Variants in ZNF33A observed in about 807,000 individuals in gnomAD.
ZNF33A encodes the protein brain my041 protein.
In ZNF33A, 9 loss-of-function variants were observed where a neutral mutation model predicts 15.9. The ratio of observed to expected loss-of-function variants is 0.57; its 90% CI spans 0.34 to 0.99. The LOEUF (loss-of-function observed/expected upper bound fraction) is 0.99, where lower values mean the gene tolerates loss of function less well. Ranked by LOEUF, ZNF33A falls within the 50% of genes least tolerant of loss-of-function variation. ZNF33A has a pLI of 0.02. For synonymous variants in ZNF33A, 294 were observed against 324.2 expected (o/e 0.91, Z 1.00); for missense variants, 843 against 941.6 (o/e 0.90, Z 1.37).
In ZNF33A at chr10:38,054,575, A is replaced by G. The variant is rs1322186249; in HGVS notation, c.451A>G (p.Thr151Ala). ...QCDSCGMSFN[T>A]VSELVISKIN... The stretch of plus-strand genomic sequence containing the variant: ...TGATTCATGTGGAATGAGTTTCAAC[A>G]CTGTTTCAGAATTGGTTATCAGTAA... Residue 151 changes from threonine to alanine, a missense_variant, in exon 5 of 5, where the codon ACT becomes GCT. Thr to Ala is a moderately conservative substitution (Grantham distance 58). Transcript: ENST00000432900. 5 of 1,611,402 alleles carry G rather than the reference A, an allele frequency of 3.1e-6. No homozygotes were observed. Among genetic ancestry groups the G allele is most frequent in the Non-Finnish European group, 3.4e-6 (4 of 1,179,126 alleles).
intron 4 of ZNF33A, among the ~76,000 whole-genome samples, chr10:38,021,788 A>G (rs930938156): frequency 7.2e-5 from 11 of 152,188 alleles, no homozygotes; most frequent in African/African-American, 2.7e-4. Flanking sequence ...CTGAGTATGT[A>G]TGTTTTCTGG....
At position 38,057,667 on chromosome 10, in the gene ZNF33A, T is replaced by A; in HGVS notation, c.*1107T>A. The stretch of plus-strand genomic sequence containing the variant: ...AAAATCTATCCTGTACATGTGAAGA[T>A]CTAGGCTCGCCTCCATGTTACTCCC... On this transcript the variant is annotated 3_prime_UTR_variant, in exon 5 of 5. Coordinates refer to ENST00000432900, the MANE Select transcript of ZNF33A (RefSeq NM_006954.2). 2.0e-6 allele frequency: 2 copies of A among 985,484 alleles called. No individual in the cohort carries two copies. The highest frequency in any genetic ancestry group is 3.5e-5 in the African/African-American group (2 of 57,382). The allele number at this position is 985,484 out of a possible 1,614,324, so 61.0% of individuals were successfully genotyped here.
At chr10:38,024,108 C>T (rs551497236) in intron 4 of ZNF33A, among the ~76,000 whole-genome samples, 63 of 144,944 alleles carry the variant, frequency 4.3e-4, no homozygotes, top group African/African-American at 1.5e-3. Context: ...GCCGAGATCA[C>T]GCCATTGCAT....
At chr10:38,042,889 A>G (rs1564861381) in intron 4 of ZNF33A, among the ~76,000 whole-genome samples, 1 of 152,158 alleles carries the variant, frequency 6.6e-6, no homozygotes, top group South Asian at 2.1e-4. Context: ...TTTATATGTT[A>G]TAGGTCCAAC....
At chr10:38,015,687 T>C (rs1232491777) in intron 2 of ZNF33A, among the ~76,000 whole-genome samples, 1 of 152,182 alleles carries the variant, frequency 6.6e-6, no homozygotes, top group East Asian at 1.9e-4. Context: ...TATATAGCCC[T>C]AACTTTCCTG....
intron 4 of ZNF33A, among the ~76,000 whole-genome samples, chr10:38,018,359 C>G (rs2135553742): frequency 6.6e-6 from 1 of 152,148 alleles, no homozygotes; most frequent in Admixed American, 6.5e-5. Flanking sequence ...AGCTGCTAGC[C>G]TTGGGCAGGA....
rs1432856389 is a variant in ZNF33A, at chr10:38,055,744, C to G, written c.1620C>G (p.Leu540=). The part of the protein sequence containing the change: ...CGKTFCLKSD[L]TVHQRTHTGQ... ...AAACCTTCTGCTTGAAGTCAGACCTCACAGTACATCAGAGAACACACACAG... is the reference window on the plus strand; with the variant it reads ...AAACCTTCTGCTTGAAGTCAGACCTGACAGTACATCAGAGAACACACACAG... Residue 540 remains leucine, a synonymous_variant, in exon 5 of 5, where the codon CTC becomes CTG. Coordinates refer to ENST00000432900, the MANE Select transcript of ZNF33A (RefSeq NM_006954.2). The G allele has an allele frequency of 1.2e-6, 2 of 1,612,962 alleles. No individual in the cohort carries two copies. Among genetic ancestry groups the G allele is most frequent in the African/African-American group, 2.7e-5 (2 of 74,818 alleles).
intron 4 of ZNF33A, among the ~76,000 whole-genome samples, chr10:38,030,370 G>A (rs895499753): frequency 5.3e-5 from 8 of 152,146 alleles, no homozygotes; most frequent in Non-Finnish European, 1.2e-4. Context: ...TGTGTGGTGT[G>A]TCCATACCAT....
intron 4 of ZNF33A, among the ~76,000 whole-genome samples, chr10:38,031,669 T>C (rs1311169760): frequency 2.0e-5 from 3 of 151,886 alleles, no homozygotes; most frequent in Non-Finnish European, 4.4e-5. Context: ...TCTTAATCTT[T>C]AATAAAGGTA....
chr10:38,066,699 C>T (rs1195458156), downstream of ZNF33A, among the ~76,000 whole-genome samples: 1 of 152,060 alleles, frequency 6.6e-6, no homozygotes, highest in Non-Finnish European at 1.5e-5. Flanking sequence ...CTTTGGGAGG[C>T]CAAGGTGGGT....
intron 4 of ZNF33A, among the ~76,000 whole-genome samples, chr10:38,023,391 T>C (rs994223264): frequency 2.6e-5 from 4 of 152,102 alleles, no homozygotes; most frequent in Non-Finnish European, 5.9e-5. Context: ...TAGAAAACAG[T>C]CATGTAAAAA....
At chr10:38,041,817 T>C (rs960355261) in intron 4 of ZNF33A, among the ~76,000 whole-genome samples, 2 of 152,204 alleles carry the variant, frequency 1.3e-5, no homozygotes, top group African/African-American at 4.8e-5. Context: ...CCTGTAATTG[T>C]TACTTTATGT....
At chr10:38,015,885 A>G in intron 2 of ZNF33A, 1 of 644,524 alleles carries the variant, frequency 1.6e-6, no homozygotes, top group Non-Finnish European at 2.2e-6. Flanking sequence ...CGTTCTCAGT[A>G]GAATTGGTTC....
chr10:38,031,687 G>GGGT lies in ZNF33A; in HGVS notation c.250+14303_250+14305dup, dbSNP rs567910475. Among the ~76,000 whole-genome samples, 661 of 151,948 alleles carry GGGT rather than the reference G, an allele frequency of 4.4e-3. 3 individuals carry two copies. Among genetic ancestry groups the GGGT allele is most frequent in the African/African-American group, 0.015 (621 of 41,430 alleles). ...TAATCTTTAATAAAGGTAATAGGCC[G>GGGT]GGTGCGGTAGCTCACGCCTATAACC... On this transcript the variant is annotated intron_variant, in intron 4 of 4. Transcript: ENST00000432900.
chr10:38,010,533 A>G, upstream of ZNF33A: 1 of 698,998 alleles, frequency 1.4e-6, no homozygotes, highest in South Asian at 1.6e-5. Flanking sequence ...GCATCTGCCC[A>G]CTGCCTAGCG....
intron 4 of ZNF33A, among the ~76,000 whole-genome samples, chr10:38,019,918 G>C (rs1157764241): frequency 6.6e-6 from 1 of 152,138 alleles, no homozygotes; most frequent in Non-Finnish European, 1.5e-5. Context: ...TTTTAAAAGT[G>C]GGGAGAGTAA....
chr10:38,039,757 T>A, intron 4 of ZNF33A: 1 of 320,752 alleles, frequency 3.1e-6, no homozygotes, highest in Admixed American at 5.0e-5. Flanking sequence ...TTTAGTAATT[T>A]GAACCTTCTC....
downstream of ZNF33A, chr10:38,063,978 G>A: frequency 9.7e-7 from 1 of 1,034,528 alleles, no homozygotes. Flanking sequence ...CTGCAGGACA[G>A]TGCATTCTGT....
At chr10:38,062,310 A>G (rs1427662575), downstream of ZNF33A, among the ~76,000 whole-genome samples, 1 of 152,186 alleles carries the variant, frequency 6.6e-6, no homozygotes, top group East Asian at 1.9e-4. Flanking sequence ...ACCTAGTCTC[A>G]GGTGGTTTGT....
Sources: gnomAD v4.1 joint callset for allele counts (sites outside exome capture counted in the v4.1 genomes callset) on GRCh38, gnomAD v4.1.1 for gene constraint, MANE v1.5 for transcripts, NCBI Gene and HGNC (gene_info 2026-07-23, HGNC 2026-07-21) for gene names.